Variants in PALM2AKAP2 observed in about 807,000 individuals in gnomAD.
PALM2AKAP2 encodes the protein PALM2 and AKAP2 fusion, also known as PALM2-AKAP2 fusion protein.
PALM2AKAP2 carries 37 observed loss-of-function variants against 71.5 expected under a neutral mutation model. The ratio of observed to expected loss-of-function variants is 0.52; its 90% CI spans 0.40 to 0.68. The LOEUF is 0.68. Ranked by LOEUF, PALM2AKAP2 falls within the 30% of genes least tolerant of loss-of-function variation. The pLI is 0.00. For missense variants in PALM2AKAP2, 1,224 were observed against 1,191.8 expected (o/e 1.03, Z -0.40); for synonymous variants, 468 against 478.8 (o/e 0.98, Z 0.29).
intron 6 of PALM2AKAP2, among the ~76,000 whole-genome samples, chr9:110,000,233 A>G (rs1450679406): frequency 6.9e-6 from 1 of 144,898 alleles, no homozygotes; most frequent in Non-Finnish European, 1.5e-5. Context: ...TCATTGTTCA[A>G]TTCCCATCTA....
intron 6 of PALM2AKAP2, among the ~76,000 whole-genome samples, chr9:110,014,803 AATGTATATATATATAT>A (rs1327084712): frequency 0.019 from 309 of 16,026 alleles, 11 homozygotes; most frequent in Admixed American, 0.026. Flanking sequence ...AAAAAAAAAA[AATGTATATATATATAT>A]ATATATATAT....
At chr9:110,053,996 C>T (rs551439165) in intron 1 of PALM2AKAP2, among the ~76,000 whole-genome samples, 1 of 152,320 alleles carries the variant, frequency 6.6e-6, no homozygotes, top group Admixed American at 6.5e-5. Context: ...TGTGGTGCGC[C>T]CTTTATCCAG....
intron 1 of PALM2AKAP2, among the ~76,000 whole-genome samples, chr9:109,689,668 A>G (rs1432135123): frequency 2.0e-5 from 3 of 152,218 alleles, no homozygotes; most frequent in East Asian, 1.9e-4. Flanking sequence ...TATCATCTTC[A>G]TGGTTAATAA....
chr9:109,804,739 A>G (rs1827528033), intron 1 of PALM2AKAP2, among the ~76,000 whole-genome samples: 1 of 152,168 alleles, frequency 6.6e-6, no homozygotes, highest in Non-Finnish European at 1.5e-5. Context: ...CTTCCAGGAT[A>G]AAGGATTTTT....
intron 1 of PALM2AKAP2, among the ~76,000 whole-genome samples, chr9:109,813,660 A>AG (rs945118460): frequency 2.0e-5 from 3 of 152,096 alleles, no homozygotes; most frequent in African/African-American, 7.2e-5. Flanking sequence ...CTGCAGGTTT[A>AG]GGGGCCTGCA....
intron 1 of PALM2AKAP2, among the ~76,000 whole-genome samples, chr9:109,750,460 T>TA (rs34225306): frequency 2.0e-5 from 3 of 152,120 alleles, no homozygotes; most frequent in Non-Finnish European, 2.9e-5. Context: ...GCTACCATGT[T>TA]AAAAAAATCA....
intron 1 of PALM2AKAP2, among the ~76,000 whole-genome samples, chr9:109,746,737 T>C (rs1828807412): frequency 1.3e-5 from 2 of 152,112 alleles, no homozygotes; most frequent in South Asian, 2.1e-4. Flanking sequence ...ACCACAACCC[T>C]ATGAGATAGT....
At chr9:109,742,179 G>A (rs1383503602) in intron 1 of PALM2AKAP2, among the ~76,000 whole-genome samples, 2 of 151,882 alleles carry the variant, frequency 1.3e-5, no homozygotes, top group Admixed American at 6.6e-5. Flanking sequence ...TGTAGCCTGT[G>A]GATGTACTCA....
At chr9:109,828,802 A>C (rs1828222730) in intron 1 of PALM2AKAP2, among the ~76,000 whole-genome samples, 1 of 152,258 alleles carries the variant, frequency 6.6e-6, no homozygotes, top group African/African-American at 2.4e-5. Context: ...GAAAGGAAAG[A>C]ATAGAATAAT....
At chr9:110,073,439 A>C (rs1834252047) in intron 1 of PALM2AKAP2, among the ~76,000 whole-genome samples, 2 of 151,892 alleles carry the variant, frequency 1.3e-5, no homozygotes, top group Non-Finnish European at 2.9e-5. Context: ...GACACTTGAC[A>C]CTCTTTGGAT....
Position 109,854,192 on chromosome 9 carries a change from C to T in PALM2AKAP2, c.46-13299C>T, listed in dbSNP as rs143136881. 2.8e-3 allele frequency among the ~76,000 whole-genome samples: 434 copies of T among 152,284 alleles called. 2 individuals carry two copies. The highest frequency in any genetic ancestry group is 1.0e-2 in the African/African-American group (414 of 41,556). ...ACTACCAGCAGATCAGAGCCACTTC[C>T]CTGTCCCTGGGGGCATCGTCTTAGA... On this transcript the variant is annotated intron_variant, in intron 1 of 9. Coordinates refer to the PALM2AKAP2 transcript ENST00000302798.
At chr9:110,068,246 A>G (rs116415864) in intron 1 of PALM2AKAP2, among the ~76,000 whole-genome samples, 2,143 of 150,120 alleles carry the variant, frequency 0.014, 215 homozygotes, top group African/African-American at 0.052. Context: ...AGCAGATTTC[A>G]CTTGGCTGAT....
intron 7 of PALM2AKAP2, among the ~76,000 whole-genome samples, chr9:110,023,301 G>GTTTTTT (rs1292412365): frequency 2.5e-4 from 25 of 101,392 alleles, no homozygotes; most frequent in Admixed American, 5.9e-4. Flanking sequence ...TCTCATTGTG[G>GTTTTTT]TTTCTTTTTT....
At chr9:110,045,788 T>G (rs1436377423), upstream of PALM2AKAP2, among the ~76,000 whole-genome samples, 1 of 152,138 alleles carries the variant, frequency 6.6e-6, no homozygotes, top group Non-Finnish European at 1.5e-5. Flanking sequence ...CAGGCTGGTC[T>G]TGAACTCCTG....
chr9:109,690,956 AC>A (rs754347906), intron 1 of PALM2AKAP2, among the ~76,000 whole-genome samples: 185 of 152,306 alleles, frequency 1.2e-3, no homozygotes, highest in Non-Finnish European at 2.0e-3. Context: ...ATGTTTCAGA[AC>A]AAAAGCTGTA....
At chr9:109,760,953 C>A (rs903596656) in intron 1 of PALM2AKAP2, among the ~76,000 whole-genome samples, 19 of 152,064 alleles carry the variant, frequency 1.2e-4, no homozygotes, top group African/African-American at 4.6e-4. Flanking sequence ...CACATTATCC[C>A]AACACATGCA....
chr9:109,817,566 T>C (rs1827884612), intron 1 of PALM2AKAP2, among the ~76,000 whole-genome samples: 1 of 152,222 alleles, frequency 6.6e-6, no homozygotes, highest in African/African-American at 2.4e-5. Context: ...AGTGGAAATC[T>C]GCCTCTCTGA....
chr9:109,657,978 G>A (rs1232051920), intron 1 of PALM2AKAP2, among the ~76,000 whole-genome samples: 1 of 149,892 alleles, frequency 6.7e-6, no homozygotes, highest in Non-Finnish European at 1.5e-5. Flanking sequence ...GTGTGTGTCA[G>A]GTTGTATGTA....
rs550116275 is a variant in PALM2AKAP2 at position 109,644,554 on chromosome 9, T to C, written c.5+3688T>C. Reference sequence around the variant, plus strand: ...TGTTAAATCAGTAAATATGTGTGTATACTGATTGAATTTCTCCTCAGAAAA... The same window carrying C: ...TGTTAAATCAGTAAATATGTGTGTACACTGATTGAATTTCTCCTCAGAAAA... On this transcript the variant is annotated intron_variant, in intron 1 of 6. Coordinates refer to the PALM2AKAP2 transcript ENST00000374531. 1.0e-3 allele frequency among the ~76,000 whole-genome samples: 157 copies of C among 152,340 alleles called. 1 individual carries two copies. Among genetic ancestry groups the C allele is most frequent in the African/African-American group, 3.6e-3 (149 of 41,566 alleles).
Sources: gnomAD v4.1 joint callset for allele counts (sites outside exome capture counted in the v4.1 genomes callset) on GRCh38, gnomAD v4.1.1 for gene constraint, MANE v1.5 for transcripts, NCBI Gene and HGNC (gene_info 2026-07-23, HGNC 2026-07-21) for gene names.